Variants in SPG7 observed in about 807,000 individuals in gnomAD.
The protein encoded by SPG7 is mitochondrial inner membrane m-AAA protease component paraplegin.
Under a neutral mutation model 81.9 loss-of-function variants are expected in SPG7, and 103 were observed. That is an observed-to-expected ratio of 1.26 (90% CI 1.07 to 1.48). SPG7 has a LOEUF of 1.48. Ranked by LOEUF, SPG7 falls within the 40% of genes most tolerant of loss-of-function variation. The pLI is 0.00. For synonymous variants in SPG7, 534 were observed against 444.2 expected (o/e 1.20, Z -2.54); for missense variants, 1,241 against 1,087.3 (o/e 1.14, Z -1.99).
chr16:89,512,883 T>G (rs1043498106), intron 2 of SPG7, 65 bp from the exon 3 acceptor site: 1 of 1,586,788 alleles, frequency 6.3e-7, no homozygotes, highest in Non-Finnish European at 8.6e-7. Context: ...AGTACACTGT[T>G]GTCCTGTATG....
rs578128026 is a variant in SPG7, at chr16:89,509,508, C to CA, written c.183+911dup. ...TTGTGATCCGCCTGCCTCGGCCTCCCAAAGTGCTGGGATTACAGGGCGTGA... is the reference window on the plus strand; with the variant it reads ...TTGTGATCCGCCTGCCTCGGCCTCCCAAAAGTGCTGGGATTACAGGGCGTGA... On this transcript the variant is annotated intron_variant, in intron 1 of 16. Coordinates refer to ENST00000645818, the MANE Select transcript of SPG7 (RefSeq NM_003119.4). Among the ~76,000 whole-genome samples, 83 of 152,326 alleles carry CA rather than the reference C, an allele frequency of 5.4e-4. 3 individuals are homozygous for CA. Among genetic ancestry groups the CA allele is most frequent in the Admixed American group, 5.1e-3 (78 of 15,292 alleles).
chr16:89,529,649 C>G, intron 6 of SPG7, 70 bp downstream of exon 6: 1 of 1,165,918 alleles, frequency 8.6e-7, no homozygotes, highest in Non-Finnish European at 1.3e-6. Context: ...TTCCCATAAG[C>G]TATACGATGA....
Position 89,508,540 on chromosome 16 carries a change from G to A in SPG7, c.123G>A (p.Arg41=), listed in dbSNP as rs1401890535. 1 of 1,510,252 alleles carries A rather than the reference G, an allele frequency of 6.6e-7. No individual in the cohort carries two copies. The allele number at this position is 1,510,252 out of a possible 1,614,324, so 93.6% of individuals were successfully genotyped here. A position where few individuals can be genotyped will look rare whatever the true frequency, so the allele number is the denominator to read the frequency against. Residue 41 remains arginine, a synonymous_variant, in exon 1 of 17, where the codon CGG becomes CGA. Coordinates refer to ENST00000645818, the MANE Select transcript of SPG7 (RefSeq NM_003119.4). ...PGFPARPGRG[R]PYMASRPPGD... ...TCCCCGCCAGGCCCGGGAGGGGGCG[G>A]CCGTACATGGCCAGCAGGCCTCCGG...
chr16:89,516,798 A>T (rs891912874), intron 3 of SPG7: 1 of 151,494 alleles, frequency 6.6e-6, no homozygotes, highest in Non-Finnish European at 1.5e-5. Flanking sequence ...CCAAGAGGCG[A>T]AGCTTGCAGT....
chr16:89,550,422 C>G, intron 12 of SPG7, 72 bp from the exon 13 acceptor site: 1 of 1,065,474 alleles, frequency 9.4e-7, no homozygotes, highest in South Asian at 1.3e-5. Flanking sequence ...ATCCGCCCGC[C>G]TTGGCCTCCC....
chr16:89,530,637 T>A (rs746582545), intron 6 of SPG7, 46 bp from the exon 7 acceptor site: 14 of 1,613,758 alleles, frequency 8.7e-6, no homozygotes, highest in Non-Finnish European at 1.2e-5. Flanking sequence ...GTGCTGCTGA[T>A]TTCCTGACTT....
chr16:89,547,674 G>A (rs754398214), intron 11 of SPG7: 8 of 366,808 alleles, frequency 2.2e-5, no homozygotes, highest in African/African-American at 6.3e-5. Flanking sequence ...GTGCAGTGGC[G>A]TGATCTTGGC....
rs774326531 is a variant in SPG7 at position 89,513,034 on chromosome 16, G to A, written c.373G>A (p.Glu125Lys). The change falls in exon 3 of 17, where the codon GAA becomes AAA. Residue 125 changes from glutamate to lysine, a missense_variant. Glu to Lys is a moderately conservative substitution (Grantham distance 56, BLOSUM62 1). Coordinates refer to ENST00000645818, the MANE Select transcript of SPG7 (RefSeq NM_003119.4). Reference protein sequence around the residue: ...KSKGKAPEEDEEERRRRERDD... With the variant: ...KSKGKAPEEDKEERRRRERDD... ...GAAGGGGAAGGCGCCTGAAGAGGAC[G>A]AAGGTATATTCATCTGATGTTCTTC... 5.6e-6 allele frequency: 9 copies of A among 1,606,064 alleles called. No homozygotes were observed. The highest frequency in any genetic ancestry group is 4.0e-5 in the African/African-American group (3 of 74,752).
chr16:89,556,685 C>T (rs529762558), intron 16 of SPG7: 12 of 598,336 alleles, frequency 2.0e-5, no homozygotes, highest in South Asian at 1.5e-4. Flanking sequence ...TGAGGCTGGC[C>T]GCCGGAAAAT....
At chr16:89,510,099 T>C (rs4499232) in intron 1 of SPG7, among the ~76,000 whole-genome samples, 93,320 of 151,820 alleles carry the variant, frequency 0.61, 29,103 homozygotes, top group Middle Eastern at 0.83. Context: ...CTCAGCTTCC[T>C]GAGTAGCTGA....
Position 89,544,773 on chromosome 16 carries a change from G to A in SPG7, c.1449+1G>A. On this transcript the variant is annotated splice_donor_variant, in intron 10 of 16. Transcript: ENST00000645818. LOFTEE classifies it high-confidence loss of function. ...CTTCATTGATCTCCCCACGCTGCAG[G>A]TCAGAGCCAGGATCCCAGCCTCTCC... 6.2e-7 allele frequency: 1 copy of A among 1,613,956 alleles called. No individual in the cohort carries two copies. The highest frequency in any genetic ancestry group is 8.5e-7 in the Non-Finnish European group (1 of 1,179,964).
intron 14 of SPG7, chr16:89,553,478 G>C: frequency 1.9e-6 from 1 of 528,586 alleles, no homozygotes; most frequent in Non-Finnish European, 3.4e-6. Context: ...AGGGTCCCGG[G>C]GGCCCCTGGG....
chr16:89,510,530 T>A lies in SPG7; in HGVS notation c.224T>A (p.Ile75Asn). 6.2e-7 allele frequency: 1 copy of A among 1,611,162 alleles called. No homozygotes were observed. Among genetic ancestry groups the A allele is most frequent in the African/African-American group, 1.3e-5 (1 of 74,844 alleles). ...LRLLTPTFEGINGLLLKQHLV... is the reference protein window; with the variant it reads ...LRLLTPTFEGNNGLLLKQHLV... ...CTGCTAACCCCTACCTTTGAAGGGA[T>A]CAACGGATTGTTGTTGAAACAACAT... The change falls in exon 2 of 17, where the codon ATC becomes AAC. Residue 75 changes from isoleucine to asparagine, a missense_variant. Transcript: ENST00000645818.
At chr16:89,556,199 A>T (rs758185416) in intron 16 of SPG7, 1 of 398,980 alleles carries the variant, frequency 2.5e-6, no homozygotes, top group African/African-American at 2.1e-5. Flanking sequence ...AGCCCTAGAG[A>T]GGAAGTGTTT....
At chr16:89,514,888 C>A (rs1171540644) in intron 3 of SPG7, among the ~76,000 whole-genome samples, 1 of 151,572 alleles carries the variant, frequency 6.6e-6, no homozygotes, top group Non-Finnish European at 1.5e-5. Context: ...CCTTGGCCTC[C>A]CAAAGTGCTG....
At chr16:89,530,899 C>G (rs1036035311) in intron 7 of SPG7, 91 bp downstream of exon 7, 6 of 1,568,778 alleles carry the variant, frequency 3.8e-6, no homozygotes, top group Non-Finnish European at 5.3e-6. Flanking sequence ...GGAATTCCAT[C>G]GATGACGTGT....
intron 5 of SPG7, among the ~76,000 whole-genome samples, chr16:89,527,630 T>C (rs2058282003): frequency 6.6e-6 from 1 of 152,114 alleles, no homozygotes. Context: ...ATTTCAGTGT[T>C]GAGAGGGAAA....
intron 10 of SPG7, 169 bp from the exon 11 acceptor site, chr16:89,546,489 C>G: frequency 1.5e-6 from 1 of 652,080 alleles, no homozygotes; most frequent in Non-Finnish European, 2.8e-6. Context: ...ACCAGCCTAG[C>G]CAACTTTGCG....
At position 89,557,406 on chromosome 16, in the gene SPG7, C is replaced by A. The variant is rs1597669353; in HGVS notation, c.*313C>A. 2 of 403,166 alleles carry A rather than the reference C, an allele frequency of 5.0e-6. No individual in the cohort carries two copies. Among genetic ancestry groups the A allele is most frequent in the Admixed American group, 7.8e-5 (2 of 25,494 alleles). 25.0% of individuals were successfully genotyped at this position (403,166 alleles called of 1,614,324 possible). ...CGTTCCCAGTGTGGCTGAGGCCACC[C>A]AGAGGCAGCAGAGCATTCAGACTCC... On this transcript the variant is annotated 3_prime_UTR_variant, in exon 17 of 17. Transcript: ENST00000645818.
Sources: allele counts gnomAD v4.1 joint callset (sites outside exome capture counted in the v4.1 genomes callset), GRCh38; gene constraint gnomAD v4.1.1; transcripts MANE v1.5; gene names NCBI Gene and HGNC (gene_info 2026-07-23, HGNC 2026-07-21).